MGMT: variants seen among roughly 807,000 people sequenced by gnomAD.
MGMT encodes the protein methylated-DNA--protein-cysteine methyltransferase.
Under a neutral mutation model 15.9 loss-of-function variants are expected in MGMT, and 14 were observed. The observed-to-expected ratio is 0.88, with a 90% CI of 0.58 to 1.37. MGMT has a LOEUF of 1.37. Ranked by LOEUF, MGMT falls within the 40% of genes most tolerant of loss-of-function variation. MGMT has a pLI of 0.00. For missense variants in MGMT, 282 were observed against 268.1 expected (o/e 1.05, Z -0.36); for synonymous variants, 130 against 118.2 (o/e 1.10, Z -0.65).
At chr10:129,561,560 G>T (rs1046990188) in intron 2 of MGMT, among the ~76,000 whole-genome samples, 1 of 152,132 alleles carries the variant, frequency 6.6e-6, no homozygotes, top group Non-Finnish European at 1.5e-5. Flanking sequence ...GTCAATTTCG[G>T]TGTCAAGGTG....
chr10:129,663,088 T>TA (rs1458819030), intron 2 of MGMT, among the ~76,000 whole-genome samples: 1 of 152,094 alleles, frequency 6.6e-6, no homozygotes, highest in Non-Finnish European at 1.5e-5. Context: ...GAGTAGAAAA[T>TA]ACGTCTGTTT....
chr10:129,719,478 T>A (rs1309635520), intron 3 of MGMT, among the ~76,000 whole-genome samples: 1 of 152,236 alleles, frequency 6.6e-6, no homozygotes, highest in Non-Finnish European at 1.5e-5. Context: ...CTCTGGAGCC[T>A]GGAAGTCCGA....
chr10:129,534,460 C>T (rs1165321250), intron 1 of MGMT, among the ~76,000 whole-genome samples: 1 of 152,020 alleles, frequency 6.6e-6, no homozygotes, highest in Non-Finnish European at 1.5e-5. Context: ...GCAGGCGGCT[C>T]TGGAGTGTGA....
At chr10:129,688,013 T>C (rs942635483) in intron 2 of MGMT, among the ~76,000 whole-genome samples, 14 of 152,276 alleles carry the variant, frequency 9.2e-5, no homozygotes, top group Middle Eastern at 6.8e-3. Flanking sequence ...CATGTCCCTA[T>C]AAAAGACATG....
intron 3 of MGMT, among the ~76,000 whole-genome samples, chr10:129,711,241 A>G (rs1051060760): frequency 1.3e-5 from 2 of 152,216 alleles, no homozygotes; most frequent in Non-Finnish European, 2.9e-5. Flanking sequence ...TAACCACAAA[A>G]ATATGCATTA....
intron 2 of MGMT, among the ~76,000 whole-genome samples, chr10:129,647,606 T>C (rs191680072): frequency 6.6e-6 from 1 of 152,302 alleles, no homozygotes; most frequent in African/African-American, 2.4e-5. Flanking sequence ...TAATAGAAAA[T>C]AATAGCCTAT....
chr10:129,520,748 G>A (rs192904208), intron 1 of MGMT, among the ~76,000 whole-genome samples: 5 of 149,138 alleles, frequency 3.4e-5, no homozygotes, highest in Admixed American at 6.7e-5. Flanking sequence ...GAACCCCTAC[G>A]GTGAGGGTGC....
intron 3 of MGMT, among the ~76,000 whole-genome samples, chr10:129,719,416 C>T (rs932832378): frequency 6.6e-6 from 1 of 152,208 alleles, no homozygotes; most frequent in African/African-American, 2.4e-5. Flanking sequence ...GTGCAGGCTG[C>T]CAAAACAAAG....
chr10:129,746,622 G>A (rs1292898736), intron 3 of MGMT, among the ~76,000 whole-genome samples: 2 of 151,924 alleles, frequency 1.3e-5, no homozygotes, highest in South Asian at 2.1e-4. Context: ...ACATTTGGTC[G>A]TGCTTCAGTA....
intron 2 of MGMT, among the ~76,000 whole-genome samples, chr10:129,685,868 A>AT (rs1285098464): frequency 6.6e-6 from 1 of 152,226 alleles, no homozygotes; most frequent in Non-Finnish European, 1.5e-5. Flanking sequence ...AAGTAATTGA[A>AT]TAAGAAACGT....
intron 3 of MGMT, among the ~76,000 whole-genome samples, chr10:129,711,882 T>G (rs1359639510): frequency 6.6e-6 from 1 of 152,242 alleles, no homozygotes; most frequent in African/African-American, 2.4e-5. Context: ...ACTTTTTTCT[T>G]TTATAATGAA....
chr10:129,761,373 TC>T (rs1202103081), intron 4 of MGMT, among the ~76,000 whole-genome samples: 4 of 152,174 alleles, frequency 2.6e-5, no homozygotes, highest in African/African-American at 9.7e-5. Context: ...TGTGTGCAGC[TC>T]CCCTTTTGCT....
intron 2 of MGMT, among the ~76,000 whole-genome samples, chr10:129,538,705 G>A (rs1053145820): frequency 6.6e-6 from 1 of 151,912 alleles, no homozygotes; most frequent in African/African-American, 2.4e-5. Context: ...GTGCAATCTC[G>A]GCTCACTGCA....
chr10:129,700,938 C>T (rs1192387136), intron 2 of MGMT: 1 of 152,212 alleles, frequency 6.6e-6, no homozygotes, highest in African/African-American at 2.4e-5. Flanking sequence ...AAGGCATGTT[C>T]CTTCCTACAT....
At chr10:129,560,983 G>GCA (rs1483254835) in intron 2 of MGMT, among the ~76,000 whole-genome samples, 1 of 131,620 alleles carries the variant, frequency 7.6e-6, no homozygotes, top group Non-Finnish European at 1.7e-5. Context: ...GTGTGTGTGT[G>GCA]TGTGTGTGTG....
chr10:129,507,427 A>G (rs1419882299), intron 1 of MGMT, among the ~76,000 whole-genome samples: 1 of 152,154 alleles, frequency 6.6e-6, no homozygotes. Context: ...CAGCTGTCCT[A>G]CAGCATCAGA....
intron 1 of MGMT, among the ~76,000 whole-genome samples, chr10:129,525,799 C>T (rs930501561): frequency 6.6e-6 from 1 of 152,156 alleles, no homozygotes; most frequent in African/African-American, 2.4e-5. Flanking sequence ...TGCAGAATCT[C>T]CCCCTTCGTG....
intron 1 of MGMT, among the ~76,000 whole-genome samples, chr10:129,520,527 A>G (rs1356517941): frequency 6.7e-6 from 1 of 149,262 alleles, no homozygotes; most frequent in Non-Finnish European, 1.5e-5. Context: ...CAGAGCCTCT[A>G]CAGTGCATGT....
intron 4 of MGMT, among the ~76,000 whole-genome samples, chr10:129,765,180 C>T (rs888590683): frequency 2.0e-5 from 3 of 152,126 alleles, no homozygotes; most frequent in Admixed American, 2.0e-4. Flanking sequence ...AGTGGCTGCC[C>T]ACCCATACAC....
Sources: gnomAD v4.1 joint callset for allele counts (sites outside exome capture counted in the v4.1 genomes callset) on GRCh38, gnomAD v4.1.1 for gene constraint, MANE v1.5 for transcripts, NCBI Gene and HGNC (gene_info 2026-07-23, HGNC 2026-07-21) for gene names.